Variants in EPHA7 observed in about 807,000 individuals in gnomAD.
The protein encoded by EPHA7 is EPH receptor A7.
In EPHA7, 25 loss-of-function variants were observed where a neutral mutation model predicts 112.6. The ratio of observed to expected loss-of-function variants is 0.22; its 90% CI spans 0.16 to 0.31. The LOEUF (loss-of-function observed/expected upper bound fraction) is 0.31, where lower values mean the gene tolerates loss of function less well. Ranked by LOEUF, EPHA7 falls within the 10% of genes least tolerant of loss-of-function variation. The pLI, the probability that EPHA7 is intolerant of heterozygous loss-of-function variation, is 1.00. For missense variants in EPHA7, 962 were observed against 1,212.6 expected (o/e 0.79, Z 3.07); for synonymous variants, 437 against 406.5 (o/e 1.07, Z -0.90).
chr6:93,371,308 A>G (rs551310812), intron 3 of EPHA7, among the ~76,000 whole-genome samples: 1 of 152,342 alleles, frequency 6.6e-6, no homozygotes, highest in East Asian at 1.9e-4. Context: ...ACAAATTTTA[A>G]AAACAACACA....
intron 5 of EPHA7, among the ~76,000 whole-genome samples, chr6:93,305,399 A>G (rs2127855755): frequency 6.6e-6 from 1 of 152,122 alleles, no homozygotes; most frequent in East Asian, 1.9e-4. Flanking sequence ...TAATAATATT[A>G]TGAATCCCTA....
intron 5 of EPHA7, among the ~76,000 whole-genome samples, chr6:93,337,671 G>C (rs1251411230): frequency 6.6e-6 from 1 of 152,128 alleles, no homozygotes; most frequent in Non-Finnish European, 1.5e-5. Flanking sequence ...TCAAACAGTA[G>C]AGTATCACAG....
chr6:93,390,425 A>C (rs1262150641), intron 3 of EPHA7, among the ~76,000 whole-genome samples: 1 of 151,870 alleles, frequency 6.6e-6, no homozygotes, highest in Non-Finnish European at 1.5e-5. Context: ...GATAAATTTT[A>C]AAATAAATAT....
In EPHA7 at chr6:93,359,874, G is replaced by GAGAGAGAGAGAGATAGAT. The variant is rs1462833873; in HGVS notation, c.833-1464_833-1463insATCTATCTCTCTCTCTCT. Among the ~76,000 whole-genome samples, 217 of 127,896 alleles carry GAGAGAGAGAGAGATAGAT rather than the reference G, an allele frequency of 1.7e-3. 1 individual carries two copies. The highest frequency in any genetic ancestry group is 2.4e-3 in the Admixed American group (30 of 12,590). 83.9% of individuals were successfully genotyped at this position (127,896 alleles called of 152,430 possible). A position where few individuals can be genotyped will look rare whatever the true frequency, so the allele number is the denominator to read the frequency against. On this transcript the variant is annotated intron_variant, in intron 3 of 16. Transcript: ENST00000369303. ...GATGATAGAGAGAGAGAGAGAGAGAGAGATAGATAGATAGATAGATAGATA... is the reference window on the plus strand; with the variant it reads ...GATGATAGAGAGAGAGAGAGAGAGAGAGAGAGAGAGAGATAGATAGATAGATAGATAGATAGATAGATA...
chr6:93,351,237 G>T (rs1231156439), intron 5 of EPHA7, among the ~76,000 whole-genome samples: 1 of 151,914 alleles, frequency 6.6e-6, no homozygotes, highest in Non-Finnish European at 1.5e-5. Context: ...ACAACCTGAG[G>T]GTTCATTACA....
At chr6:93,351,242 A>G (rs561532800) in intron 5 of EPHA7, among the ~76,000 whole-genome samples, 4 of 152,058 alleles carry the variant, frequency 2.6e-5, no homozygotes, top group Non-Finnish European at 5.9e-5. Context: ...CTGAGGGTTC[A>G]TTACAGGTAG....
chr6:93,415,454 G>C (rs180780956), intron 1 of EPHA7, among the ~76,000 whole-genome samples: 25 of 151,912 alleles, frequency 1.6e-4, no homozygotes, highest in Admixed American at 7.2e-4. Flanking sequence ...CTAATCACTT[G>C]TATTTCACTT....
At chr6:93,368,586 T>C (rs1203569894) in intron 3 of EPHA7, among the ~76,000 whole-genome samples, 1 of 152,110 alleles carries the variant, frequency 6.6e-6, no homozygotes, top group East Asian at 1.9e-4. Flanking sequence ...GGCTTGTCAA[T>C]AATTAATTTT....
rs150176645 is a variant in EPHA7, at chr6:93,257,491, C to G, written c.2143G>C (p.Glu715Gln). ...AGAAATGCATCTAGGGCTCCATTTT[C>G]CATGAACTCTATTACTATCATGACT... The part of the protein sequence containing the change: ...KPVMIVIEFM[E>Q]NGALDAFLRK... The change falls in exon 12 of 17, where the codon GAA becomes CAA. Residue 715 changes from glutamate to glutamine, a missense_variant. Physicochemically the swap from Glu to Gln is conservative, Grantham distance 29 (BLOSUM62 2). Around this residue, in one of 3 missense-constraint regions of EPHA7, gnomAD observed 746 missense variants for 889.2 expected, o/e 0.84. Transcript: ENST00000369303. The G allele has an allele frequency of 9.7e-5, 157 of 1,611,490 alleles. No individual in the cohort carries two copies. Among genetic ancestry groups the G allele is most frequent in the Admixed American group, 1.3e-4 (8 of 59,840 alleles).
intron 15 of EPHA7, among the ~76,000 whole-genome samples, chr6:93,246,387 T>C (rs1769952146): frequency 6.6e-6 from 1 of 152,054 alleles, no homozygotes; most frequent in African/African-American, 2.4e-5. Flanking sequence ...ATTGAATCAT[T>C]TATTAAATGA....
intron 5 of EPHA7, among the ~76,000 whole-genome samples, chr6:93,313,396 T>A (rs1773638827): frequency 6.6e-6 from 1 of 150,814 alleles, no homozygotes; most frequent in Non-Finnish European, 1.5e-5. Context: ...TTGGGAAAAT[T>A]TTAATAGCTG....
intron 5 of EPHA7, among the ~76,000 whole-genome samples, chr6:93,276,971 C>A (rs1771501196): frequency 6.6e-6 from 1 of 151,968 alleles, no homozygotes; most frequent in Non-Finnish European, 1.5e-5. Flanking sequence ...ATAAAATGAT[C>A]TTTCAGCAAA....
intron 3 of EPHA7, among the ~76,000 whole-genome samples, chr6:93,359,868 GAGAGAGAGATAGATAGAT>G (rs1332665417): frequency 1.2e-4 from 15 of 121,418 alleles, no homozygotes; most frequent in African/African-American, 4.2e-4. Flanking sequence ...GAGAGAGAGA[GAGAGAGAGATAGATAGAT>G]AGATAGATAG....
intron 3 of EPHA7, among the ~76,000 whole-genome samples, chr6:93,371,239 C>G (rs922913980): frequency 7.0e-6 from 1 of 142,532 alleles, no homozygotes; most frequent in African/African-American, 2.5e-5. Flanking sequence ...TTAACCCAAC[C>G]ATGGATAATA....
intron 5 of EPHA7, among the ~76,000 whole-genome samples, chr6:93,342,840 T>G (rs927096106): frequency 6.6e-6 from 1 of 151,748 alleles, no homozygotes; most frequent in African/African-American, 2.4e-5. Context: ...AAATATGGCT[T>G]TACATGTTAT....
chr6:93,279,192 T>C (rs1018587757), intron 5 of EPHA7, among the ~76,000 whole-genome samples: 9 of 152,310 alleles, frequency 5.9e-5, no homozygotes, highest in Non-Finnish European at 1.3e-4. Context: ...AGCAATTTAT[T>C]TGGTATCCTT....
At chr6:93,374,080 G>A (rs1776934065) in intron 3 of EPHA7, among the ~76,000 whole-genome samples, 1 of 152,068 alleles carries the variant, frequency 6.6e-6, no homozygotes, top group South Asian at 2.1e-4. Context: ...AGTCGCACTA[G>A]AGGTATTTAA....
intron 3 of EPHA7, among the ~76,000 whole-genome samples, chr6:93,387,969 AGATAGAT>A: frequency 6.6e-6 from 1 of 151,882 alleles, no homozygotes; most frequent in South Asian, 2.1e-4. Flanking sequence ...ATAGATAGAT[AGATAGAT>A]AGAATAGATA....
chr6:93,405,803 G>GTA (rs1394311184), intron 3 of EPHA7, among the ~76,000 whole-genome samples: 21 of 62,434 alleles, frequency 3.4e-4, no homozygotes, highest in South Asian at 2.5e-3. Context: ...GTGTGTGTGT[G>GTA]TGTGTGTGTG....
Sources: allele counts gnomAD v4.1 joint callset (sites outside exome capture counted in the v4.1 genomes callset), GRCh38; gene constraint gnomAD v4.1.1; regional missense constraint gnomAD v4.1.1; transcripts MANE v1.5; gene names NCBI Gene and HGNC (gene_info 2026-07-23, HGNC 2026-07-21).